Variants in HS6ST3 observed in about 807,000 individuals in gnomAD.
HS6ST3 encodes the protein heparan sulfate 6-O-sulfotransferase 3.
Under a neutral mutation model 36.7 loss-of-function variants are expected in HS6ST3, and 12 were observed. The observed-to-expected ratio is 0.33, with a 90% CI of 0.21 to 0.53. The LOEUF (loss-of-function observed/expected upper bound fraction) is 0.53, where lower values mean the gene tolerates loss of function less well. HS6ST3 is among the 20% of genes least tolerant of loss of function. The pLI, the probability that HS6ST3 is intolerant of heterozygous loss-of-function variation, is 0.95. For missense variants in HS6ST3, 584 were observed against 640.9 expected (o/e 0.91, Z 0.96); for synonymous variants, 240 against 257.5 (o/e 0.93, Z 0.65).
At chr13:96,253,831 C>A (rs2139378712) in intron 1 of HS6ST3, among the ~76,000 whole-genome samples, 1 of 152,238 alleles carries the variant, frequency 6.6e-6, no homozygotes, top group South Asian at 2.1e-4. Context: ...ATATCATGGG[C>A]TTTTCTATGA....
chr13:96,610,714 T>C (rs1257336743), intron 1 of HS6ST3, among the ~76,000 whole-genome samples: 6 of 152,140 alleles, frequency 3.9e-5, no homozygotes, highest in African/African-American at 1.4e-4. Flanking sequence ...ACTGAAATGT[T>C]CTATACAATT....
intron 1 of HS6ST3, among the ~76,000 whole-genome samples, chr13:96,138,091 C>G (rs1286151158): frequency 6.6e-6 from 1 of 152,086 alleles, no homozygotes; most frequent in African/African-American, 2.4e-5. Flanking sequence ...CCCTGGAAAT[C>G]TGTGAAAGTT....
chr13:96,743,804 A>G (rs1876497004), intron 1 of HS6ST3, among the ~76,000 whole-genome samples: 1 of 152,074 alleles, frequency 6.6e-6, no homozygotes, highest in African/African-American at 2.4e-5. Flanking sequence ...TTGAAGAGGC[A>G]TATCACAGGA....
At chr13:96,429,206 T>A (rs601674) in intron 1 of HS6ST3, among the ~76,000 whole-genome samples, 27 of 152,144 alleles carry the variant, frequency 1.8e-4, no homozygotes, top group African/African-American at 6.5e-4. Flanking sequence ...CAGCTTTTAA[T>A]TAAACAGGCT....
chr13:96,118,677 TATATATATATA>T (rs1356224081), intron 1 of HS6ST3, among the ~76,000 whole-genome samples: 8 of 21,790 alleles, frequency 3.7e-4, no homozygotes, highest in South Asian at 2.7e-3. Flanking sequence ...TATATATATA[TATATATATATA>T]TTTTTTTTTT....
chr13:96,195,951 T>A (rs1429966219), intron 1 of HS6ST3, among the ~76,000 whole-genome samples: 1 of 152,124 alleles, frequency 6.6e-6, no homozygotes, highest in Non-Finnish European at 1.5e-5. Context: ...TTTAAAACAT[T>A]TTTTTTCTGC....
intron 1 of HS6ST3, among the ~76,000 whole-genome samples, chr13:96,146,284 T>C (rs566244707): frequency 5.3e-5 from 8 of 152,202 alleles, no homozygotes. Context: ...TTCCTACCCA[T>C]GAGCATGGAA....
At chr13:96,683,690 T>C (rs1357566894) in intron 1 of HS6ST3, among the ~76,000 whole-genome samples, 1 of 152,058 alleles carries the variant, frequency 6.6e-6, no homozygotes, top group African/African-American at 2.4e-5. Flanking sequence ...TCTATTGATA[T>C]TAATAAACTC....
At chr13:96,428,364 G>A (rs551112368) in intron 1 of HS6ST3, among the ~76,000 whole-genome samples, 20 of 152,214 alleles carry the variant, frequency 1.3e-4, no homozygotes, top group Middle Eastern at 3.4e-3. Context: ...AACAAAAAAA[G>A]TATCACGGAC....
intron 1 of HS6ST3, among the ~76,000 whole-genome samples, chr13:96,700,383 TCC>T (rs1291021750): frequency 1.3e-5 from 2 of 151,960 alleles, no homozygotes; most frequent in Admixed American, 1.3e-4. Context: ...TCCCACCAGG[TCC>T]CTCCCACAAC....
intron 1 of HS6ST3, among the ~76,000 whole-genome samples, chr13:96,634,505 CCATT>C (rs1158073350): frequency 6.6e-6 from 1 of 152,158 alleles, no homozygotes; most frequent in Non-Finnish European, 1.5e-5. Context: ...TTAGTCTCCT[CCATT>C]CATTCATTTA....
chr13:96,677,957 A>G (rs1371687266), intron 1 of HS6ST3, among the ~76,000 whole-genome samples: 1 of 152,088 alleles, frequency 6.6e-6, no homozygotes, highest in Non-Finnish European at 1.5e-5. Context: ...TTCTTAGTCC[A>G]TTTCATGCTG....
At chr13:96,705,906 C>T (rs191040642) in intron 1 of HS6ST3, among the ~76,000 whole-genome samples, 1 of 152,242 alleles carries the variant, frequency 6.6e-6, no homozygotes, top group Admixed American at 6.5e-5. Context: ...GCTGATTTTA[C>T]CCAAGGGAAG....
chr13:96,178,792 A>T (rs1330299474), intron 1 of HS6ST3, among the ~76,000 whole-genome samples: 5 of 152,126 alleles, frequency 3.3e-5, no homozygotes, highest in African/African-American at 9.7e-5. Context: ...GGAAGGCTGG[A>T]ATCACCCCCT....
At chr13:96,353,469 C>G (rs1470555115) in intron 1 of HS6ST3, among the ~76,000 whole-genome samples, 1 of 143,044 alleles carries the variant, frequency 7.0e-6, no homozygotes, top group East Asian at 1.9e-4. Context: ...AAGCTAGAGT[C>G]AATCATTCTT....
intron 1 of HS6ST3, among the ~76,000 whole-genome samples, chr13:96,483,618 G>T (rs1056327971): frequency 1.3e-5 from 2 of 152,164 alleles, no homozygotes; most frequent in African/African-American, 4.8e-5. Context: ...TTGAAGTATG[G>T]AATCTGTGGC....
rs1184391659 is a variant in HS6ST3, at chr13:96,651,615, TA to T, written c.708-180869del. ...TCCTTCTCCAGCTGTTAAAATTAGATAAAAAACTTCTCCTTCAAGTAACATT... is the reference window on the plus strand; with the variant it reads ...TCCTTCTCCAGCTGTTAAAATTAGATAAAAACTTCTCCTTCAAGTAACATT... On this transcript the variant is annotated intron_variant, in intron 1 of 1. Transcript: ENST00000376705. 7.9e-5 allele frequency among the ~76,000 whole-genome samples: 12 copies of T among 152,062 alleles called. 1 individual carries two copies. The highest frequency in any genetic ancestry group is 4.1e-4 in the South Asian group (2 of 4,832).
chr13:96,631,937 T>C (rs1024629938), intron 1 of HS6ST3, among the ~76,000 whole-genome samples: 1 of 152,140 alleles, frequency 6.6e-6, no homozygotes, highest in African/African-American at 2.4e-5. Flanking sequence ...TGTCTGGAAA[T>C]CTATGCAAGG....
chr13:96,800,343 C>A (rs183892964), intron 1 of HS6ST3, among the ~76,000 whole-genome samples: 5 of 150,854 alleles, frequency 3.3e-5, no homozygotes, highest in Non-Finnish European at 7.4e-5. Flanking sequence ...ATTTGTACAA[C>A]GATTAGAGAA....
Sources: allele counts gnomAD v4.1 joint callset (sites outside exome capture counted in the v4.1 genomes callset), GRCh38; gene constraint gnomAD v4.1.1; transcripts MANE v1.5; gene names NCBI Gene and HGNC (gene_info 2026-07-23, HGNC 2026-07-21).